The following AGK variants were observed in gnomAD, a reference collection of about 807,000 sequenced individuals.
AGK encodes acylglycerol kinase, mitochondrial.
In AGK, 52 loss-of-function variants were observed where a neutral mutation model predicts 66.4. The observed-to-expected ratio is 0.78, with a 90% CI of 0.63 to 0.99. The LOEUF (loss-of-function observed/expected upper bound fraction) is 0.99. AGK is among the 50% of genes least tolerant of loss of function. AGK has a pLI of 0.00. For synonymous variants in AGK, 182 were observed against 181.1 expected, an observed-to-expected ratio of 1.00 and a Z score of -0.04; for missense variants, 451 against 506.6, an observed-to-expected ratio of 0.89 and a Z score of 1.05.
Position 141,654,450 on chromosome 7 carries a change from A to T in AGK, c.*1526A>T, listed in dbSNP as rs577087190. The stretch of plus-strand genomic sequence containing the variant: ...GGATTCCTTTGGCATTTTGACAAAG[A>T]TCACAGTGCTCTATCATCAAGAATT... On this transcript the variant is annotated 3_prime_UTR_variant, in exon 16 of 16. Coordinates refer to ENST00000649286, the MANE Select transcript of AGK (RefSeq NM_018238.4). The T allele has an allele frequency of 2.2e-4, 34 of 152,362 alleles. No homozygotes were observed. The highest frequency in any genetic ancestry group is 7.5e-4 in the African/African-American group (31 of 41,584). 9.4% of individuals were successfully genotyped at this position (152,362 alleles called of 1,614,324 possible).
In AGK at chr7:141,654,609, C is replaced by G. The variant is rs979099664; in HGVS notation, c.*1685C>G. 6.6e-6 allele frequency: 1 copy of G among 152,228 alleles called. No homozygotes were observed. Among genetic ancestry groups the G allele is most frequent in the Admixed American group, 6.5e-5 (1 of 15,282 alleles). The allele number at this position is 152,228 out of a possible 1,614,324, so 9.4% of individuals were successfully genotyped here. A position where few individuals can be genotyped will look rare whatever the true frequency, so the allele number is the denominator to read the frequency against. The stretch of plus-strand genomic sequence containing the variant: ...CATTAGCACCATTTACTTTTACTAT[C>G]GCTGACATTTTCCTTTGTTCAGTGG... On this transcript the variant is annotated 3_prime_UTR_variant, in exon 16 of 16. Coordinates refer to ENST00000649286, the MANE Select transcript of AGK (RefSeq NM_018238.4).
intron 2 of AGK, among the ~76,000 whole-genome samples, chr7:141,569,307 G>A (rs1795543504): frequency 6.6e-6 from 1 of 152,036 alleles, no homozygotes. Context: ...AGGCCGAGGC[G>A]GGCACATCAC....
At chr7:141,623,396 A>C (rs1236641965) in intron 9 of AGK, among the ~76,000 whole-genome samples, 1 of 150,788 alleles carries the variant, frequency 6.6e-6, no homozygotes, top group African/African-American at 2.5e-5. Context: ...AAAAAAAGAA[A>C]AAAAAAAGAA....
At chr7:141,609,961 G>T (rs1039128106) in intron 5 of AGK, among the ~76,000 whole-genome samples, 4 of 149,804 alleles carry the variant, frequency 2.7e-5, no homozygotes, top group South Asian at 2.1e-4. Flanking sequence ...GTATGTATGG[G>T]TTTTTTTTTG....
intron 3 of AGK, among the ~76,000 whole-genome samples, chr7:141,594,366 T>A (rs1796186593): frequency 6.6e-6 from 1 of 152,002 alleles, no homozygotes; most frequent in Non-Finnish European, 1.5e-5. Context: ...AGCTAATTTT[T>A]GTATTTTTAG....
At chr7:141,645,860 T>C (rs1797399365) in intron 13 of AGK, among the ~76,000 whole-genome samples, 1 of 152,212 alleles carries the variant, frequency 6.6e-6, no homozygotes, top group South Asian at 2.1e-4. Context: ...TGAATGTTAA[T>C]GTGAGACTTT....
chr7:141,581,451 G>A (rs1373717115), intron 2 of AGK, among the ~76,000 whole-genome samples: 1 of 151,910 alleles, frequency 6.6e-6, no homozygotes, highest in Non-Finnish European at 1.5e-5. Context: ...TGCTTGTCTG[G>A]TTTTTGGACA....
At chr7:141,647,292 A>C (rs1178979070) in intron 13 of AGK, among the ~76,000 whole-genome samples, 2 of 152,242 alleles carry the variant, frequency 1.3e-5, no homozygotes, top group Non-Finnish European at 2.9e-5. Context: ...AGAACCCTCC[A>C]GTGGCTCTCT....
intron 5 of AGK, among the ~76,000 whole-genome samples, chr7:141,609,857 A>G (rs1009986192): frequency 6.6e-6 from 1 of 152,156 alleles, no homozygotes; most frequent in Non-Finnish European, 1.5e-5. Context: ...ATAACAAAAG[A>G]CATTTTTATC....
chr7:141,642,634 G>C (rs1049665830), intron 13 of AGK, among the ~76,000 whole-genome samples: 2 of 152,156 alleles, frequency 1.3e-5, no homozygotes, highest in African/African-American at 4.8e-5. Context: ...AAACTGGTCT[G>C]CCACCTGTTT....
chr7:141,592,402 G>A (rs1052808380), intron 2 of AGK, among the ~76,000 whole-genome samples: 10 of 152,238 alleles, frequency 6.6e-5, no homozygotes, highest in Non-Finnish European at 1.0e-4. Context: ...CCATAATCAC[G>A]TCTGCCTCTG....
At chr7:141,631,883 G>A (rs1426058215) in intron 9 of AGK, among the ~76,000 whole-genome samples, 2 of 152,240 alleles carry the variant, frequency 1.3e-5, no homozygotes, top group South Asian at 4.1e-4. Flanking sequence ...ATGTACTTCA[G>A]GTCTCTGTTC....
At chr7:141,589,977 A>G (rs892449766) in intron 2 of AGK, among the ~76,000 whole-genome samples, 2 of 152,204 alleles carry the variant, frequency 1.3e-5, no homozygotes, top group Non-Finnish European at 2.9e-5. Flanking sequence ...AAATTCAGGG[A>G]ATTAACTATC....
chr7:141,649,167 T>C (rs1797490507), intron 13 of AGK, 96 bp from the exon 14 acceptor site: 3 of 722,594 alleles, frequency 4.2e-6, no homozygotes, highest in Non-Finnish European at 4.9e-6. Context: ...TATCTATATA[T>C]AGCTTCAAAC....
In AGK at chr7:141,555,440, TCTA is replaced by T; in HGVS notation, c.-14-9_-14-7del. The T allele has an allele frequency of 6.4e-7, 1 of 1,571,316 alleles. No individual in the cohort carries two copies. The highest frequency in any genetic ancestry group is 8.7e-7 in the Non-Finnish European group (1 of 1,144,424). ...AATTATATTTTTTTCTCTTTCCGCC[TCTA>T]CTAACCTAGCAAATCTCTAGAAGAT... On this transcript the variant is annotated splice_polypyrimidine_tract_variant and intron_variant, in intron 1 of 15. Coordinates refer to ENST00000649286, the MANE Select transcript of AGK (RefSeq NM_018238.4). The surrounding 1 kb of genome is among the most constrained non-coding windows in gnomAD (Gnocchi z 4.2).
Position 141,654,860 on chromosome 7 carries a change from A to G in AGK, c.*1936A>G. Reference sequence around the variant, plus strand: ...AGCTATGAAAAGTCCATGAATGAAGATCACAAAAAGGAAGGCTTTCTTATT... The same window carrying G: ...AGCTATGAAAAGTCCATGAATGAAGGTCACAAAAAGGAAGGCTTTCTTATT... On this transcript the variant is annotated 3_prime_UTR_variant, in exon 16 of 16. Coordinates refer to ENST00000649286, the MANE Select transcript of AGK (RefSeq NM_018238.4). 6.6e-6 allele frequency: 1 copy of G among 152,242 alleles called. No homozygotes were observed. Among genetic ancestry groups the G allele is most frequent in the East Asian group, 1.9e-4 (1 of 5,202 alleles). The allele number at this position is 152,242 out of a possible 1,614,324, so 9.4% of individuals were successfully genotyped here.
chr7:141,632,683 C>T (rs1341882685), intron 9 of AGK, among the ~76,000 whole-genome samples: 1 of 152,214 alleles, frequency 6.6e-6, no homozygotes, highest in African/African-American at 2.4e-5. Flanking sequence ...CTAATATGTC[C>T]TTGCTGTACC....
chr7:141,559,883 A>G (rs1365095083), intron 2 of AGK, among the ~76,000 whole-genome samples: 1 of 151,506 alleles, frequency 6.6e-6, no homozygotes, highest in Admixed American at 6.6e-5. Flanking sequence ...TCCTTTTCAG[A>G]TTGTTCATTC....
At chr7:141,602,342 C>T (rs34628965) in intron 5 of AGK, among the ~76,000 whole-genome samples, 7,799 of 151,990 alleles carry the variant, frequency 0.051, 358 homozygotes, top group South Asian at 0.15. Context: ...GCCTTTTTTA[C>T]CTTTTTTAAA....
Sources: gnomAD v4.1 joint callset for allele counts (sites outside exome capture counted in the v4.1 genomes callset) on GRCh38, gnomAD v4.1.1 for gene constraint, Gnocchi (gnomAD v3.1) non-coding constraint, MANE v1.5 for transcripts, NCBI Gene and HGNC (gene_info 2026-07-23, HGNC 2026-07-21) for gene names.